Variants in GPR107 observed in about 807,000 individuals in gnomAD.
GPR107 encodes protein GPR107.
A neutral mutation model predicts 75.5 loss-of-function variants in GPR107; 31 were observed. That is an observed-to-expected ratio of 0.41 (90% CI 0.31 to 0.55). The LOEUF (loss-of-function observed/expected upper bound fraction) is 0.55. Ranked by LOEUF, GPR107 falls within the 20% of genes least tolerant of loss-of-function variation. The probability of loss-of-function intolerance (pLI) is 0.26; values close to 1 mark genes in which losing one functional copy is unlikely to be tolerated. For missense variants in GPR107, 572 were observed against 665.7 expected, an observed-to-expected ratio of 0.86 and a Z score of 1.55; for synonymous variants, 267 against 251.3, an observed-to-expected ratio of 1.06 and a Z score of -0.59.
chr9:130,106,617 A>AATAATAAT, intron 13 of GPR107, among the ~76,000 whole-genome samples: 1 of 145,198 alleles, frequency 6.9e-6, no homozygotes, highest in Middle Eastern at 3.6e-3. Flanking sequence ...ATAAATAAAT[A>AATAATAAT]AATAATAATA....
chr9:130,127,534 G>C lies in GPR107; in HGVS notation c.1408G>C (p.Ala470Pro). The C allele has an allele frequency of 6.2e-7, 1 of 1,602,498 alleles. No individual in the cohort carries two copies. Among genetic ancestry groups the C allele is most frequent in the Non-Finnish European group, 8.6e-7 (1 of 1,169,522 alleles). The change falls in exon 16 of 18, where the codon GCT becomes CCT. Residue 470 changes from alanine to proline, a missense_variant. Physicochemically the swap from Ala to Pro is conservative, Grantham distance 27. Coordinates refer to ENST00000347136, the MANE Select transcript of GPR107 (RefSeq NM_020960.5). Reference protein sequence around the residue: ...TRIIAFLLKLAVPFQWKWLYQ... With the variant: ...TRIIAFLLKLPVPFQWKWLYQ... ...GATCATTGCATTTCTCCTCAAACTC[G>C]CTGTTCCATTCCAGTGGAAGTGGCT...
At chr9:130,068,077 T>C (rs1292337679) in intron 1 of GPR107, among the ~76,000 whole-genome samples, 1 of 152,002 alleles carries the variant, frequency 6.6e-6, no homozygotes, top group Admixed American at 6.6e-5. Flanking sequence ...TTTTTTTTTT[T>C]TTTCTGTATT....
At chr9:130,100,034 A>G (rs528281897) in intron 10 of GPR107, among the ~76,000 whole-genome samples, 1 of 151,742 alleles carries the variant, frequency 6.6e-6, no homozygotes, top group Admixed American at 6.6e-5. Context: ...AGCTGGGACT[A>G]CAGGCGCCCG....
At chr9:130,054,758 C>T (rs1039246385) in intron 1 of GPR107, among the ~76,000 whole-genome samples, 1 of 152,178 alleles carries the variant, frequency 6.6e-6, no homozygotes, top group East Asian at 1.9e-4. Context: ...CTGAAACGCA[C>T]CCTAAGGTGG....
chr9:130,128,814 A>T, intron 17 of GPR107, 53 bp downstream of exon 17: 2 of 1,574,720 alleles, frequency 1.3e-6, no homozygotes, highest in Non-Finnish European at 1.7e-6. Flanking sequence ...GCCTAACACA[A>T]AGCAGCACAG....
In GPR107 at chr9:130,053,978, A is replaced by G; in HGVS notation, c.46A>G (p.Arg16Gly). Reference protein sequence around the residue: ...PVGSPASRGPRLAAGLRLLPM... With the variant: ...PVGSPASRGPGLAAGLRLLPM... The stretch of plus-strand genomic sequence containing the variant: ...CGGCTCCCCCGCCTCCCGCGGTCCT[A>G]GGCTGGCCGCGGGCCTCCGGCTGCT... The change falls in exon 1 of 18, where the codon AGG becomes GGG. Residue 16 changes from arginine to glycine, a missense_variant. Transcript: ENST00000347136. The G allele has an allele frequency of 6.4e-7, 1 of 1,554,174 alleles. No homozygotes were observed. Among genetic ancestry groups the G allele is most frequent in the Non-Finnish European group, 8.7e-7 (1 of 1,150,052 alleles).
rs1417492385 is a variant in GPR107, at chr9:130,112,110, A to G, written c.1306+4571A>G. On this transcript the variant is annotated intron_variant, in intron 14 of 17. Transcript: ENST00000347136. This position sits in a 1 kb window ranked among gnomAD's most constrained non-coding sequence, Gnocchi z 4.0. ...GATACACACCGTAAATTTAATTAAC[A>G]GTCTCTGCTGCTCACCATCCTTTTT... Among the ~76,000 whole-genome samples the G allele has an allele frequency of 6.6e-6, 1 of 152,260 alleles. No individual in the cohort carries two copies. Among genetic ancestry groups the G allele is most frequent in the Non-Finnish European group, 1.5e-5 (1 of 68,054 alleles).
chr9:130,092,478 G>A, intron 9 of GPR107, 97 bp downstream of exon 9: 1 of 979,896 alleles, frequency 1.0e-6, no homozygotes, highest in South Asian at 1.4e-5. Context: ...TCACTTAGCA[G>A]TGTTGTTCCT....
Position 130,090,969 on chromosome 9 carries a change from A to C in GPR107, c.715A>C (p.Thr239Pro), listed in dbSNP as rs755404149. The change falls in exon 8 of 18, where the codon ACA becomes CCA. Residue 239 changes from threonine to proline, a missense_variant. Thr to Pro is a conservative substitution (Grantham distance 38, BLOSUM62 -1). Transcript: ENST00000347136. Reference protein sequence around the residue: ...LGKELPSDKFTFSLDIEITEK... With the variant: ...LGKELPSDKFPFSLDIEITEK... ...AAAAGAATTGCCAAGTGACAAGTTT[A>C]CATTCAGCCTTGATGTGAGTACTGT... 6.9e-7 allele frequency: 1 copy of C among 1,441,042 alleles called. No homozygotes were observed. The highest frequency in any genetic ancestry group is 9.8e-7 in the Non-Finnish European group (1 of 1,024,262). 89.3% of individuals were successfully genotyped at this position (1,441,042 alleles called of 1,614,324 possible).
chr9:130,062,660 G>GCCTGCCTGCCTTCCTTCCTTCCTT (rs1300037621), intron 1 of GPR107, among the ~76,000 whole-genome samples: 2 of 69,074 alleles, frequency 2.9e-5, no homozygotes, highest in Admixed American at 1.4e-4. Context: ...CTGCCTGCCT[G>GCCTGCCTGCCTTCCTTCCTTCCTT]CCTTCCTTCC....
intron 14 of GPR107, among the ~76,000 whole-genome samples, chr9:130,111,864 C>G (rs1223181765): frequency 6.6e-6 from 1 of 152,168 alleles, no homozygotes; most frequent in African/African-American, 2.4e-5. Flanking sequence ...CTTTGTCTCT[C>G]CTGTCACGCG....
In GPR107 at chr9:130,128,908, G is replaced by T; in HGVS notation, c.1562+147G>T. ...TTAGCAGAAGGAAGCGGACACTGGA[G>T]CCCCAGGCTGTCTGATCTGGTTTGA... On this transcript the variant is annotated intron_variant, in intron 17 of 17. Coordinates refer to ENST00000347136, the MANE Select transcript of GPR107 (RefSeq NM_020960.5). The T allele has an allele frequency of 5.7e-6, 4 of 702,616 alleles. No homozygotes were observed. The South Asian group carries it at 7.1e-5, about 13-fold the overall frequency. 43.5% of individuals were successfully genotyped at this position (702,616 alleles called of 1,614,324 possible). A position where few individuals can be genotyped will look rare whatever the true frequency, so the allele number is the denominator to read the frequency against.
intron 8 of GPR107, among the ~76,000 whole-genome samples, chr9:130,091,854 C>G (rs1830747036): frequency 6.6e-6 from 1 of 152,122 alleles, no homozygotes; most frequent in Non-Finnish European, 1.5e-5. Flanking sequence ...CGCCACCACA[C>G]CTGGCTAATT....
chr9:130,100,348 C>A (rs1406340812), intron 10 of GPR107, among the ~76,000 whole-genome samples: 3 of 152,160 alleles, frequency 2.0e-5, no homozygotes, highest in Non-Finnish European at 4.4e-5. Flanking sequence ...GGAACTTATG[C>A]AAATTAAAAT....
chr9:130,127,577 C>T lies in GPR107; in HGVS notation c.1440+11C>T, dbSNP rs369236956. ...AAGTGGCTCTACCAGGTACGCTGCT[C>T]ACAGGGCAGAATGCCAGAGAATTTA... On this transcript the variant is annotated intron_variant, in intron 16 of 17. Coordinates refer to ENST00000347136, the MANE Select transcript of GPR107 (RefSeq NM_020960.5). The T allele has an allele frequency of 1.0e-5, 15 of 1,467,096 alleles. No homozygotes were observed. The African/African-American group carries it at 1.9e-4, about 19-fold the overall frequency. 90.9% of individuals were successfully genotyped at this position (1,467,096 alleles called of 1,614,324 possible).
At position 130,103,723 on chromosome 9, in the gene GPR107, G is replaced by A. The variant is rs978759259; in HGVS notation, c.1132-697G>A. On this transcript the variant is annotated intron_variant, in intron 12 of 17. Coordinates refer to ENST00000347136, the MANE Select transcript of GPR107 (RefSeq NM_020960.5). This position sits in a 1 kb window ranked among gnomAD's most constrained non-coding sequence, Gnocchi z 4.3. ...TATGGGCATTGTGGCTAAATAGGGT[G>A]TTAAGTGCCACCTATCCAGCAGTCC... Among the ~76,000 whole-genome samples, 17 of 152,214 alleles carry A rather than the reference G, an allele frequency of 1.1e-4. No individual in the cohort carries two copies. The highest frequency in any genetic ancestry group is 3.9e-4 in the African/African-American group (16 of 41,444).
At chr9:130,061,104 T>G (rs1167792828) in intron 1 of GPR107, among the ~76,000 whole-genome samples, 1 of 152,216 alleles carries the variant, frequency 6.6e-6, no homozygotes, top group East Asian at 1.9e-4. Context: ...CTCTTACTCA[T>G]TCAACAAATA....
At chr9:130,089,873 CG>C (rs1023070112) in intron 7 of GPR107, among the ~76,000 whole-genome samples, 4 of 152,030 alleles carry the variant, frequency 2.6e-5, no homozygotes, top group African/African-American at 9.7e-5. Context: ...TATTTTTCCC[CG>C]TTTTTTTAAA....
chr9:130,061,125 G>A (rs1460946669), intron 1 of GPR107, among the ~76,000 whole-genome samples: 3 of 152,186 alleles, frequency 2.0e-5, no homozygotes, highest in Admixed American at 2.0e-4. Flanking sequence ...CTCTTCAGGT[G>A]TCTTTTATAT....
Sources: gnomAD v4.1 joint callset for allele counts (sites outside exome capture counted in the v4.1 genomes callset) on GRCh38, gnomAD v4.1.1 for gene constraint, Gnocchi (gnomAD v3.1) non-coding constraint, MANE v1.5 for transcripts, NCBI Gene and HGNC (gene_info 2026-07-23, HGNC 2026-07-21) for gene names.